Variants in CNTN4 observed in about 807,000 individuals in gnomAD.
CNTN4 encodes contactin 4.
Under a neutral mutation model 122.5 loss-of-function variants are expected in CNTN4, and 77 were observed. The observed-to-expected ratio is 0.63, with a 90% CI of 0.52 to 0.76. The LOEUF (loss-of-function observed/expected upper bound fraction) is 0.76, where lower values mean the gene tolerates loss of function less well. CNTN4 is among the 30% of genes least tolerant of loss of function. The pLI is 0.00. For missense variants in CNTN4, 1,256 were observed against 1,259.1 expected (o/e 1.00, Z 0.04); for synonymous variants, 512 against 447.0 (o/e 1.15, Z -1.83).
intron 2 of CNTN4, among the ~76,000 whole-genome samples, chr3:2,282,744 C>G (rs2041763956): frequency 6.6e-6 from 1 of 152,108 alleles, no homozygotes; most frequent in Non-Finnish European, 1.5e-5. Flanking sequence ...AGAAACAACT[C>G]AAATGTTCAT....
intron 12 of CNTN4, among the ~76,000 whole-genome samples, chr3:2,917,594 C>T (rs1424589845): frequency 6.6e-6 from 1 of 152,260 alleles, no homozygotes; most frequent in Admixed American, 6.5e-5. Context: ...TAGATCTCTT[C>T]TCTGTCTTGT....
At chr3:2,796,902 A>G (rs186222094) in intron 6 of CNTN4, among the ~76,000 whole-genome samples, 1 of 152,208 alleles carries the variant, frequency 6.6e-6, no homozygotes, top group East Asian at 1.9e-4. Context: ...GTTGCTCAGT[A>G]CCCCACCCCT....
intron 2 of CNTN4, among the ~76,000 whole-genome samples, chr3:2,128,909 G>C (rs1412644770): frequency 6.6e-6 from 1 of 152,060 alleles, no homozygotes; most frequent in Non-Finnish European, 1.5e-5. Context: ...GCTAGATTTT[G>C]GTTTTACAGG....
chr3:2,969,522 T>TTA (rs1559733329), intron 13 of CNTN4, among the ~76,000 whole-genome samples: 26 of 137,026 alleles, frequency 1.9e-4, no homozygotes, highest in African/African-American at 9.6e-4. Flanking sequence ...TTGGGATTAT[T>TTA]ATTATTATTA....
rs564927146 is a variant in CNTN4 at position 3,038,071 on chromosome 3, G to A, written c.2092+743G>A. ...AATAGGAGTTCTGACCCTACTCTCA[G>A]AAAAGCAAAAACTCATCTAGATCTA... On this transcript the variant is annotated intron_variant, in intron 18 of 24. Transcript: ENST00000418658. Among the ~76,000 whole-genome samples, 16 of 152,276 alleles carry A rather than the reference G, an allele frequency of 1.1e-4. 1 individual carries two copies. In the East Asian group the frequency reaches 2.5e-3, roughly 24 times the overall value.
intron 3 of CNTN4, among the ~76,000 whole-genome samples, chr3:2,409,249 C>CTTT (rs372224744): frequency 2.3e-4 from 30 of 132,618 alleles, no homozygotes; most frequent in African/African-American, 6.7e-4. Flanking sequence ...CTTTTCTTTT[C>CTTT]TTTTTTTTTT....
At chr3:2,627,778 C>T (rs541333047) in intron 4 of CNTN4, among the ~76,000 whole-genome samples, 6 of 152,280 alleles carry the variant, frequency 3.9e-5, no homozygotes, top group East Asian at 3.9e-4. Flanking sequence ...CAGGCGTGAG[C>T]CACCGTGCCT....
chr3:2,128,041 C>T (rs2034263365), intron 2 of CNTN4, among the ~76,000 whole-genome samples: 1 of 152,176 alleles, frequency 6.6e-6, no homozygotes. Flanking sequence ...CAGGCTTTTG[C>T]AGAGAGTGTT....
chr3:2,844,980 A>G (rs1294931150), intron 7 of CNTN4, among the ~76,000 whole-genome samples: 1 of 152,204 alleles, frequency 6.6e-6, no homozygotes, highest in Non-Finnish European at 1.5e-5. Context: ...ACTGCCAAGG[A>G]TGAGTTGTTT....
intron 2 of CNTN4, among the ~76,000 whole-genome samples, chr3:2,212,005 G>C (rs748803058): frequency 3.3e-5 from 5 of 152,004 alleles, no homozygotes; most frequent in Non-Finnish European, 7.4e-5. Flanking sequence ...ATGGGGTCTT[G>C]CTCTATTGCC....
chr3:2,708,717 C>T (rs1048425699), intron 4 of CNTN4, among the ~76,000 whole-genome samples: 5 of 146,114 alleles, frequency 3.4e-5, no homozygotes, highest in Admixed American at 2.7e-4. Flanking sequence ...CAGGCACGCG[C>T]ACGCGCGCAT....
intron 3 of CNTN4, among the ~76,000 whole-genome samples, chr3:2,546,639 C>T (rs748299114): frequency 3.3e-5 from 5 of 152,066 alleles, no homozygotes; most frequent in African/African-American, 9.6e-5. Flanking sequence ...CACATGTACT[C>T]CTGAACCAAA....
At chr3:2,389,643 G>T (rs1406016566) in intron 3 of CNTN4, among the ~76,000 whole-genome samples, 1 of 151,888 alleles carries the variant, frequency 6.6e-6, no homozygotes, top group Admixed American at 6.6e-5. Flanking sequence ...TATTCCATGA[G>T]AAAATGGATC....
chr3:2,785,823 C>T (rs889653745), intron 6 of CNTN4, among the ~76,000 whole-genome samples: 2 of 151,246 alleles, frequency 1.3e-5, no homozygotes, highest in African/African-American at 2.4e-5. Context: ...GACTCATGGC[C>T]CAAAGTGAGA....
At chr3:2,305,593 A>G (rs978914514) in intron 2 of CNTN4, among the ~76,000 whole-genome samples, 6 of 152,176 alleles carry the variant, frequency 3.9e-5, no homozygotes, top group Non-Finnish European at 2.9e-5. Context: ...TTCATATACT[A>G]TACTTTGATG....
rs542365407 is a variant in CNTN4 at position 2,757,706 on chromosome 3, T to C, written c.358+12009T>C. On this transcript the variant is annotated intron_variant, in intron 6 of 24. Coordinates refer to ENST00000418658, the MANE Select transcript of CNTN4 (RefSeq NM_175607.3). ...ACCATGCTAGCTAGTTTTTACTTCA[T>C]GTCTATAATATATATTCACTTTAGA... Among the ~76,000 whole-genome samples the C allele has an allele frequency of 3.9e-5, 6 of 152,354 alleles. No individual in the cohort carries two copies. In the East Asian group the frequency reaches 1.2e-3, roughly 29 times the overall value.
chr3:2,160,773 C>T lies in CNTN4; in HGVS notation c.-145+60134C>T, dbSNP rs561349859. ...TTCTCAGATGGTTCAGGAATGTATACGGTGCGTATTATTAAGTTTGCAGCT... is the reference window on the plus strand; with the variant it reads ...TTCTCAGATGGTTCAGGAATGTATATGGTGCGTATTATTAAGTTTGCAGCT... On this transcript the variant is annotated intron_variant, in intron 2 of 24. Coordinates refer to ENST00000418658, the MANE Select transcript of CNTN4 (RefSeq NM_175607.3). Among the ~76,000 whole-genome samples the T allele has an allele frequency of 8.5e-5, 13 of 152,202 alleles. No individual in the cohort carries two copies. In the South Asian group the frequency reaches 1.0e-3, roughly 12 times the overall value.
intron 4 of CNTN4, among the ~76,000 whole-genome samples, chr3:2,572,575 T>G (rs1270221626): frequency 6.6e-6 from 1 of 152,214 alleles, no homozygotes; most frequent in Admixed American, 6.5e-5. Context: ...CCTTTGAAAT[T>G]AGTCTAGTTG....
At chr3:2,169,526 C>A (rs984525556) in intron 2 of CNTN4, among the ~76,000 whole-genome samples, 1 of 150,488 alleles carries the variant, frequency 6.6e-6, no homozygotes, top group Non-Finnish European at 1.5e-5. Context: ...CCTGCCTCAG[C>A]CTCCCGAGTA....
Sources: allele counts gnomAD v4.1 joint callset (sites outside exome capture counted in the v4.1 genomes callset), GRCh38; gene constraint gnomAD v4.1.1; transcripts MANE v1.5; gene names NCBI Gene and HGNC (gene_info 2026-07-23, HGNC 2026-07-21).